Variants in DAAM1 observed in about 807,000 individuals in gnomAD.
DAAM1 encodes the protein dishevelled associated activator of morphogenesis 1, also known as disheveled-associated activator of morphogenesis 1.
In DAAM1, 52 loss-of-function variants were observed where a neutral mutation model predicts 130.0. That is an observed-to-expected ratio of 0.40 (90% CI 0.32 to 0.50). The LOEUF (loss-of-function observed/expected upper bound fraction) is 0.50. Among genes scored for constraint, DAAM1 ranks in the 20% least tolerant of loss-of-function variants. The pLI, the probability that DAAM1 is intolerant of heterozygous loss-of-function variation, is 0.61. For missense variants in DAAM1, 1,134 were observed against 1,303.8 expected (o/e 0.87, Z 2.01); for synonymous variants, 452 against 444.5 (o/e 1.02, Z -0.21).
intron 2 of DAAM1, among the ~76,000 whole-genome samples, chr14:59,276,023 T>C (rs1164104236): frequency 6.6e-6 from 1 of 152,210 alleles, no homozygotes; most frequent in Non-Finnish European, 1.5e-5. Context: ...CATTTATGTT[T>C]TTCCTGACTG....
intron 1 of DAAM1, among the ~76,000 whole-genome samples, chr14:59,219,175 A>G (rs1888687748): frequency 6.6e-6 from 1 of 152,202 alleles, no homozygotes; most frequent in East Asian, 1.9e-4. Context: ...TTTTATCTAA[A>G]GTCTTCCCCA....
intron 3 of DAAM1, among the ~76,000 whole-genome samples, chr14:59,304,299 C>T (rs1884293669): frequency 6.6e-6 from 1 of 152,210 alleles, no homozygotes; most frequent in South Asian, 2.1e-4. Flanking sequence ...CTCCAGCACA[C>T]CTAGTACTAT....
chr14:59,190,475 C>A (rs1311197611), intron 1 of DAAM1, among the ~76,000 whole-genome samples: 2 of 152,198 alleles, frequency 1.3e-5, no homozygotes, highest in Non-Finnish European at 2.9e-5. Flanking sequence ...CAAAGGCCCT[C>A]AATTTGCTCT....
intron 1 of DAAM1, among the ~76,000 whole-genome samples, chr14:59,239,095 C>T (rs1889398656): frequency 6.6e-6 from 1 of 152,094 alleles, no homozygotes; most frequent in Admixed American, 6.6e-5. Flanking sequence ...ATTGCCTGTG[C>T]CTCTCTCTTT....
intron 1 of DAAM1, among the ~76,000 whole-genome samples, chr14:59,196,063 C>T (rs1887880708): frequency 6.6e-6 from 1 of 152,194 alleles, no homozygotes; most frequent in Non-Finnish European, 1.5e-5. Context: ...CCGTATGCTT[C>T]TGACAGTTGT....
intron 1 of DAAM1, among the ~76,000 whole-genome samples, chr14:59,214,509 G>A (rs1888519031): frequency 6.6e-6 from 1 of 152,262 alleles, no homozygotes; most frequent in Non-Finnish European, 1.5e-5. Flanking sequence ...TTGACAGATC[G>A]ACCTCAACCC....
At chr14:59,242,805 C>T (rs1313413808) in intron 1 of DAAM1, among the ~76,000 whole-genome samples, 4 of 152,256 alleles carry the variant, frequency 2.6e-5, no homozygotes, top group South Asian at 2.1e-4. Flanking sequence ...TGATCTGCCT[C>T]GGCCTCCCAA....
rs139395832 is a variant in DAAM1, at chr14:59,315,450, A to G, written c.345+99A>G. The G allele has an allele frequency of 2.7e-4, 302 of 1,115,302 alleles. No individual in the cohort carries two copies. In the African/African-American group the frequency reaches 4.2e-3, roughly 15 times the overall value. The allele number at this position is 1,115,302 out of a possible 1,614,324, so 69.1% of individuals were successfully genotyped here. ...AAATTCGATTGAGTATGACCTACCAAATGTCAGTACCTTTCCAAACTCCAT... is the reference window on the plus strand; with the variant it reads ...AAATTCGATTGAGTATGACCTACCAGATGTCAGTACCTTTCCAAACTCCAT... On this transcript the variant is annotated intron_variant, in intron 4 of 24. Coordinates refer to ENST00000360909, the MANE Select transcript of DAAM1 (RefSeq NM_001270520.2).
intron 12 of DAAM1, among the ~76,000 whole-genome samples, chr14:59,327,477 G>A (rs116401903): frequency 7.5e-6 from 1 of 132,618 alleles, no homozygotes; most frequent in Non-Finnish European, 1.5e-5. Flanking sequence ...GCGCCATCTC[G>A]GCTCACTGCA....
chr14:59,254,979 T>C (rs1230613007), intron 1 of DAAM1, among the ~76,000 whole-genome samples: 1 of 152,186 alleles, frequency 6.6e-6, no homozygotes, highest in Non-Finnish European at 1.5e-5. Flanking sequence ...TCCTCCCTTA[T>C]CTAGGGAGAA....
chr14:59,215,344 G>A lies in DAAM1; in HGVS notation c.-38+26576G>A, dbSNP rs1228732036. On this transcript the variant is annotated intron_variant, in intron 1 of 24. Transcript: ENST00000360909. ...AATTCCATGGGAACATGTGCTTGGT[G>A]TATGCCCAGAATAGTTCCTTTCAAA... is the stretch of plus-strand genomic sequence containing the variant. Among the ~76,000 whole-genome samples, 7 of 152,242 alleles carry A rather than the reference G, an allele frequency of 4.6e-5. No homozygotes were observed. The South Asian group carries it at 1.2e-3, about 27-fold the overall frequency.
In DAAM1 at chr14:59,263,620, C is replaced by G; in HGVS notation, c.143C>G (p.Pro48Arg). Reference sequence around the variant, plus strand: ...ACCATGGAACCAGCATTGCCCATGCCCCCTGTGGAGGAGCTGGATGTCATG... The same window carrying G: ...ACCATGGAACCAGCATTGCCCATGCGCCCTGTGGAGGAGCTGGATGTCATG... ...LQTMEPALPMPPVEELDVMFS... is the reference protein window; with the variant it reads ...LQTMEPALPMRPVEELDVMFS... The change falls in exon 2 of 25, where the codon CCC becomes CGC. Residue 48 changes from proline to arginine, a missense_variant. Pro to Arg is a moderately radical substitution (Grantham distance 103, BLOSUM62 -2). Transcript: ENST00000360909. The G allele has an allele frequency of 6.2e-7, 1 of 1,614,172 alleles. No homozygotes were observed. Among genetic ancestry groups the G allele is most frequent in the Non-Finnish European group, 8.5e-7 (1 of 1,180,030 alleles).
chr14:59,233,144 G>T lies in DAAM1; in HGVS notation c.-37-30297G>T, dbSNP rs564838573. ...AGTAGAATGATTTATATTCCTTTGG[G>T]TATATACCCATTAACGGGATTGCTG... On this transcript the variant is annotated intron_variant, in intron 1 of 24. Transcript: ENST00000360909. Among the ~76,000 whole-genome samples, 6 of 152,224 alleles carry T rather than the reference G, an allele frequency of 3.9e-5. No homozygotes were observed. In the South Asian group the frequency reaches 8.3e-4, roughly 21 times the overall value.
intron 4 of DAAM1, 115 bp downstream of exon 4, chr14:59,315,466 C>A: frequency 2.1e-6 from 2 of 940,556 alleles, no homozygotes; most frequent in Non-Finnish European, 3.3e-6. Flanking sequence ...AGTACCTTTC[C>A]AAACTCCATC....
At chr14:59,248,323 GT>G (rs1307266250) in intron 1 of DAAM1, among the ~76,000 whole-genome samples, 6 of 63,220 alleles carry the variant, frequency 9.5e-5, no homozygotes, top group African/African-American at 5.0e-4. Flanking sequence ...GTTTTGTTTT[GT>G]TTTGTTTTGT....
chr14:59,361,460 C>T (rs949895183), intron 22 of DAAM1, among the ~76,000 whole-genome samples: 4 of 152,152 alleles, frequency 2.6e-5, no homozygotes, highest in Admixed American at 1.3e-4. Context: ...GCTTTGGAGG[C>T]ATGAGGAACA....
intron 18 of DAAM1, 145 bp downstream of exon 18, chr14:59,352,777 T>C (rs534348102): frequency 1.4e-6 from 1 of 717,096 alleles, no homozygotes; most frequent in Non-Finnish European, 2.3e-6. Flanking sequence ...CAAGTCTGAG[T>C]GATGTGGAAT....
intron 1 of DAAM1, among the ~76,000 whole-genome samples, chr14:59,258,192 TTAA>T (rs1566671257): frequency 1.3e-5 from 2 of 152,250 alleles, no homozygotes. Context: ...AACATTTGAC[TTAA>T]TGATGAAATG....
intron 24 of DAAM1, among the ~76,000 whole-genome samples, chr14:59,367,943 TA>T: frequency 6.6e-6 from 1 of 152,186 alleles, no homozygotes; most frequent in African/African-American, 2.4e-5. Context: ...GGATGAGTTC[TA>T]AATGATATAA....
Sources: gnomAD v4.1 joint callset for allele counts (sites outside exome capture counted in the v4.1 genomes callset) on GRCh38, gnomAD v4.1.1 for gene constraint, MANE v1.5 for transcripts, NCBI Gene and HGNC (gene_info 2026-07-23, HGNC 2026-07-21) for gene names.